PDZD2: variants seen among roughly 807,000 people sequenced by gnomAD.
PDZD2 encodes PDZ domain-containing protein 2.
In PDZD2, 90 loss-of-function variants were observed where a neutral mutation model predicts 220.7. The ratio of observed to expected loss-of-function variants is 0.41; its 90% CI spans 0.34 to 0.49. The LOEUF (loss-of-function observed/expected upper bound fraction) is 0.49, where lower values mean the gene tolerates loss of function less well. PDZD2 is among the 20% of genes least tolerant of loss of function. The pLI, the probability that PDZD2 is intolerant of heterozygous loss-of-function variation, is 0.28. For missense variants in PDZD2, 3,174 were observed against 3,608.5 expected (o/e 0.88, Z 3.08); for synonymous variants, 1,375 against 1,450.5 (o/e 0.95, Z 1.18).
intron 2 of PDZD2, among the ~76,000 whole-genome samples, chr5:31,879,443 T>C (rs1367498687): frequency 1.3e-5 from 2 of 151,970 alleles, no homozygotes; most frequent in Admixed American, 6.6e-5. Flanking sequence ...CCCCAGCAAG[T>C]TGTCACACAC....
chr5:32,045,693 C>G (rs928103813), intron 7 of PDZD2, among the ~76,000 whole-genome samples: 8 of 151,632 alleles, frequency 5.3e-5, no homozygotes, highest in African/African-American at 1.9e-4. Flanking sequence ...TCCCAAAGTG[C>G]TAGGATTATA....
intron 6 of PDZD2, among the ~76,000 whole-genome samples, chr5:32,023,688 A>G (rs779153289): frequency 1.8e-4 from 28 of 152,174 alleles, no homozygotes; most frequent in Non-Finnish European, 3.1e-4. Context: ...TTACTAAGTC[A>G]TATTTTCTGA....
At chr5:31,881,248 T>C (rs1485028070) in intron 2 of PDZD2, among the ~76,000 whole-genome samples, 1 of 151,946 alleles carries the variant, frequency 6.6e-6, no homozygotes, top group Non-Finnish European at 1.5e-5. Context: ...TGGATTTGAC[T>C]TGCTTTGTAA....
At position 31,901,126 on chromosome 5, in the gene PDZD2, A is replaced by G. The variant is rs574916520; in HGVS notation, c.477-82029A>G. On this transcript the variant is annotated intron_variant, in intron 2 of 24. Transcript: ENST00000438447. ...CATTTAGGCTAACAGCTATAAAAAC[A>G]GGTGACTTTGGCCGGGCATGGTGGC... is the stretch of plus-strand genomic sequence containing the variant. Among the ~76,000 whole-genome samples, 10 of 152,268 alleles carry G rather than the reference A, an allele frequency of 6.6e-5. No individual in the cohort carries two copies. The South Asian group carries it at 2.1e-3, about 32-fold the overall frequency.
intron 10 of PDZD2, among the ~76,000 whole-genome samples, chr5:32,056,111 G>A (rs754405141): frequency 4.6e-5 from 7 of 152,178 alleles, no homozygotes; most frequent in Non-Finnish European, 7.3e-5. Flanking sequence ...TTAAGAGTGC[G>A]AGTAATCATT....
chr5:31,679,795 G>A (rs377058598), intron 1 of PDZD2, among the ~76,000 whole-genome samples: 54 of 152,304 alleles, frequency 3.5e-4, no homozygotes, highest in African/African-American at 1.3e-3. Context: ...ACAGGCATGA[G>A]CCACCATGCC....
In PDZD2 at chr5:32,107,970, TG is replaced by T; in HGVS notation, c.8357del (p.Gly2786ValfsTer8). On this transcript the variant is annotated frameshift_variant and splice_region_variant, in exon 25 of 25. Coordinates refer to ENST00000438447, the MANE Select transcript of PDZD2 (RefSeq NM_178140.4). LOFTEE classifies it high-confidence loss of function. ...PLVIKRVYKGGAAEQAGIIEA... is the reference protein window; with the variant it reads ...PLVIKRVYKGXAAEQAGIIEA... ...ATTATTCTGTGTTTATTCTCGTAGG[TG>T]GTGCGGCTGAACAAGCTGGAATAAT... is the stretch of plus-strand genomic sequence containing the variant. The T allele has an allele frequency of 6.2e-7, 1 of 1,610,818 alleles. No individual in the cohort carries two copies. The highest frequency in any genetic ancestry group is 8.5e-7 in the Non-Finnish European group (1 of 1,177,392).
At chr5:32,033,198 A>ACATCATTTCCAGAACAGAG (rs879667140) in intron 6 of PDZD2, among the ~76,000 whole-genome samples, 6 of 152,238 alleles carry the variant, frequency 3.9e-5, no homozygotes, top group Admixed American at 3.9e-4. Context: ...AGCTAAAATG[A>ACATCATTTCCAGAACAGAG]CATCATTTCC....
intron 2 of PDZD2, among the ~76,000 whole-genome samples, chr5:31,817,185 CA>C (rs33979989): frequency 3.6e-4 from 34 of 95,714 alleles, no homozygotes; most frequent in East Asian, 1.2e-3. Context: ...GACTCCGTCT[CA>C]AAAAAAAAAA....
chr5:32,107,562 A>G (rs1744897971), intron 24 of PDZD2: 1 of 153,716 alleles, frequency 6.5e-6, no homozygotes, highest in South Asian at 2.1e-4. Flanking sequence ...TCTCAACAAC[A>G]ACAAAAAAAG....
rs879288343 is a variant in PDZD2 at position 31,975,793 on chromosome 5, C to CTTTTTTTTTTTTTTTTTTTTTTTTTTTTT, written c.477-7353_477-7352insTTTTTTTTTTTTTTTTTTTTTTTTTTTTT. 3.6e-5 allele frequency among the ~76,000 whole-genome samples: 2 copies of CTTTTTTTTTTTTTTTTTTTTTTTTTTTTT among 55,182 alleles called. 1 individual carries two copies. The highest frequency in any genetic ancestry group is 6.2e-5 in the Non-Finnish European group (2 of 32,318). 36.2% of individuals were successfully genotyped at this position (55,182 alleles called of 152,430 possible). A position where few individuals can be genotyped will look rare whatever the true frequency, so the allele number is the denominator to read the frequency against. On this transcript the variant is annotated intron_variant, in intron 2 of 24. Coordinates refer to ENST00000438447, the MANE Select transcript of PDZD2 (RefSeq NM_178140.4). ...ATGAGCACACTGAAGGTATCAGTCA[C>CTTTTTTTTTTTTTTTTTTTTTTTTTTTTT]TTTTTTTTTATTTATTTTTTTTTTT...
chr5:31,854,676 C>G (rs1758267959), intron 2 of PDZD2, among the ~76,000 whole-genome samples: 1 of 152,104 alleles, frequency 6.6e-6, no homozygotes, highest in Admixed American at 6.5e-5. Context: ...CTAACCTGCT[C>G]CAGGTTTGCC....
intron 1 of PDZD2, among the ~76,000 whole-genome samples, chr5:31,681,356 C>T (rs29739): frequency 0.32 from 49,235 of 152,040 alleles, 8,137 homozygotes; most frequent in South Asian, 0.5. Flanking sequence ...AAGCAATTCT[C>T]ATGCCTCAGC....
At position 31,802,562 on chromosome 5, in the gene PDZD2, G is replaced by A. The variant is rs537570751; in HGVS notation, c.476+2838G>A. The stretch of plus-strand genomic sequence containing the variant: ...GTCAGGGAATAGACCAGTGGGATTC[G>A]TTAATTGTTACAACTGGCTGTTCTA... On this transcript the variant is annotated intron_variant, in intron 2 of 24. Transcript: ENST00000438447. Among the ~76,000 whole-genome samples the A allele has an allele frequency of 3.3e-5, 5 of 152,268 alleles. No homozygotes were observed. The East Asian group carries it at 5.8e-4, about 18-fold the overall frequency.
chr5:32,002,872 C>CCA (rs1321451957), intron 5 of PDZD2, among the ~76,000 whole-genome samples: 1 of 128,898 alleles, frequency 7.8e-6, no homozygotes, highest in East Asian at 2.5e-4. Context: ...ACCCCACATA[C>CCA]CACACACACA....
chr5:31,855,098 C>T (rs1451749611), intron 2 of PDZD2: 1 of 985,288 alleles, frequency 1.0e-6, no homozygotes, highest in Non-Finnish European at 1.2e-6. Flanking sequence ...TACCCGGCGC[C>T]CAGCTGCTGC....
intron 2 of PDZD2, among the ~76,000 whole-genome samples, chr5:31,876,481 C>T (rs1739318219): frequency 1.3e-5 from 2 of 151,916 alleles, no homozygotes; most frequent in African/African-American, 4.8e-5. Flanking sequence ...TTAGTAGAGA[C>T]AGGGTTTCAC....
At chr5:31,966,287 A>G (rs983951728) in intron 2 of PDZD2, among the ~76,000 whole-genome samples, 7 of 152,318 alleles carry the variant, frequency 4.6e-5, no homozygotes, top group African/African-American at 1.7e-4. Flanking sequence ...TAGGTACTGT[A>G]GTTAATATTG....
intron 2 of PDZD2, among the ~76,000 whole-genome samples, chr5:31,837,714 G>A (rs1389987396): frequency 6.8e-6 from 1 of 147,882 alleles, no homozygotes; most frequent in African/African-American, 2.5e-5. Flanking sequence ...ACAAGAGTGA[G>A]ACTCCATCTC....
Sources: allele counts gnomAD v4.1 joint callset (sites outside exome capture counted in the v4.1 genomes callset), GRCh38; gene constraint gnomAD v4.1.1; transcripts MANE v1.5; gene names NCBI Gene and HGNC (gene_info 2026-07-23, HGNC 2026-07-21).